AKNA: variants seen among roughly 807,000 people sequenced by gnomAD.
The protein encoded by AKNA is microtubule organization protein AKNA.
A neutral mutation model predicts 138.8 loss-of-function variants in AKNA; 67 were observed. The observed-to-expected ratio is 0.48, with a 90% confidence interval of 0.40 to 0.59. The LOEUF is 0.59. AKNA is among the 20% of genes least tolerant of loss of function. The pLI, the probability that AKNA is intolerant of heterozygous loss-of-function variation, is 0.00. For synonymous variants in AKNA, 737 were observed against 754.4 expected (o/e 0.98, Z 0.38); for missense variants, 1,813 against 1,880.4 (o/e 0.96, Z 0.66).
chr9:114,333,827 G>A (rs1379836178), downstream of AKNA, among the ~76,000 whole-genome samples: 4 of 150,908 alleles, frequency 2.7e-5, no homozygotes, highest in Non-Finnish European at 5.9e-5. Flanking sequence ...AGGAGTGGAG[G>A]TGTGATATTG....
chr9:114,362,380 T>C (rs1379647256), intron 8 of AKNA, 26 bp downstream of exon 8: 16 of 1,601,060 alleles, frequency 1.0e-5, no homozygotes, highest in Non-Finnish European at 1.2e-5. Context: ...CATCTGTCCT[T>C]CCAGGCCTTC....
chr9:114,354,938 G>T, intron 14 of AKNA, among the ~76,000 whole-genome samples: 1 of 138,930 alleles, frequency 7.2e-6, no homozygotes, highest in African/African-American at 2.7e-5. Context: ...GTGCGATCTT[G>T]GCTCACTGAA....
At chr9:114,376,357 C>A (rs779184480) in intron 3 of AKNA, 109 bp downstream of exon 3, 1 of 1,118,374 alleles carries the variant, frequency 8.9e-7, no homozygotes. Context: ...CTATCCCAGG[C>A]CTCTCCACCC....
rs1833324265 is a variant in AKNA, at chr9:114,377,422, G to T, written c.385C>A (p.Leu129Ile). The T allele has an allele frequency of 6.2e-7, 1 of 1,613,644 alleles. No individual in the cohort carries two copies. The highest frequency in any genetic ancestry group is 8.5e-7 in the Non-Finnish European group (1 of 1,180,006). ...GCCTCCTCAACCTCCAGACTTCCGA[G>T]GGTCCCATCTGGCTCCTCTTCAGTC... ...DMTEEEPDGT[L>I]GSLEVEEAGE... The change falls in exon 3 of 22, where the codon CTC becomes ATC. Residue 129 changes from leucine to isoleucine, a missense_variant. Transcript: ENST00000374088.
intron 6 of AKNA, among the ~76,000 whole-genome samples, chr9:114,366,904 C>G (rs1225617241): frequency 6.6e-6 from 1 of 152,168 alleles, no homozygotes; most frequent in Admixed American, 6.5e-5. Flanking sequence ...TAGGGTCCAA[C>G]AGAACATTTT....
intron 6 of AKNA, 108 bp from the exon 7 acceptor site, chr9:114,364,727 A>T: frequency 8.5e-7 from 1 of 1,169,670 alleles, no homozygotes; most frequent in Non-Finnish European, 1.3e-6. Flanking sequence ...CGTCCTCAGG[A>T]TGTGGGGTTT....
At chr9:114,357,097 A>G in intron 12 of AKNA, 128 bp from the exon 13 acceptor site, 1 of 716,302 alleles carries the variant, frequency 1.4e-6, no homozygotes, top group Non-Finnish European at 2.2e-6. Context: ...CCAGCTCCCA[A>G]CAGCCAGGCC....
chr9:114,339,663 C>T (rs565103524), intron 21 of AKNA, among the ~76,000 whole-genome samples: 1 of 152,190 alleles, frequency 6.6e-6, no homozygotes, highest in Non-Finnish European at 1.5e-5. Context: ...AAACCTTTCC[C>T]GATCAATGAG....
intron 1 of AKNA, among the ~76,000 whole-genome samples, chr9:114,385,987 G>A (rs1834003568): frequency 6.6e-6 from 1 of 151,308 alleles, no homozygotes; most frequent in Non-Finnish European, 1.5e-5. Context: ...TCTTGATATC[G>A]CAAGGGGATA....
chr9:114,357,815 G>A (rs1831609849), intron 12 of AKNA, 106 bp downstream of exon 12: 10 of 1,514,130 alleles, frequency 6.6e-6, no homozygotes, highest in Non-Finnish European at 8.9e-6. Flanking sequence ...GGAGCAGCAA[G>A]TATTCCAAGA....
chr9:114,355,859 C>T, intron 14 of AKNA, 66 bp downstream of exon 14: 11 of 1,519,498 alleles, frequency 7.2e-6, no homozygotes, highest in Non-Finnish European at 9.9e-6. Flanking sequence ...CTAAAGGGTT[C>T]TGCAAGTTTT....
In AKNA at chr9:114,367,533, G is replaced by C. The variant is rs757381832; in HGVS notation, c.1728+10C>G. 39 of 1,612,216 alleles carry C rather than the reference G, an allele frequency of 2.4e-5. No homozygotes were observed. The highest frequency in any genetic ancestry group is 3.3e-5 in the Admixed American group (2 of 59,970). ...AAGTCTCTCGGGGGCAAAGCTGGGA[G>C]TCCACTCACCTTGGCCAGGAACTGG... On this transcript the variant is annotated intron_variant, in intron 6 of 21. Transcript: ENST00000374088.
At position 114,374,175 on chromosome 9, in the gene AKNA, A is replaced by G. The variant is rs1833000784; in HGVS notation, c.1342-8T>C. The G allele has an allele frequency of 6.4e-7, 1 of 1,554,192 alleles. No individual in the cohort carries two copies. The highest frequency in any genetic ancestry group is 8.7e-7 in the Non-Finnish European group (1 of 1,148,340). On this transcript the variant is annotated splice_region_variant and splice_polypyrimidine_tract_variant and intron_variant, in intron 3 of 21. Coordinates refer to ENST00000374088, the MANE Select transcript of AKNA (RefSeq NM_001317950.2). Reference sequence around the variant, plus strand: ...GAGCCTGTGGTAGTCTTCCTGCAGAAAGCGGGAGCAACACGGTCACATGCG... The same window carrying G: ...GAGCCTGTGGTAGTCTTCCTGCAGAGAGCGGGAGCAACACGGTCACATGCG...
chr9:114,347,246 G>A lies in AKNA; in HGVS notation c.3399-462C>T, dbSNP rs186560154. On this transcript the variant is annotated intron_variant, in intron 16 of 21. Coordinates refer to ENST00000374088, the MANE Select transcript of AKNA (RefSeq NM_001317950.2). ...ATTATTATTATTATTTTGAGACAGA[G>A]CCTCTCTCTGTTGCCCAGGCTGGAG... 8.5e-5 allele frequency among the ~76,000 whole-genome samples: 13 copies of A among 152,192 alleles called. No individual in the cohort carries two copies. The East Asian group carries it at 2.5e-3, about 29-fold the overall frequency.
At chr9:114,387,781 G>T in intron 1 of AKNA, 79 bp downstream of exon 1, 1 of 274,276 alleles carries the variant, frequency 3.6e-6, no homozygotes. Flanking sequence ...CGGCTGCCTG[G>T]ACTGTCCCGG....
At chr9:114,362,559 C>T (rs780335897) in intron 7 of AKNA, 26 bp from the exon 8 acceptor site, 28 of 1,609,240 alleles carry the variant, frequency 1.7e-5, no homozygotes, top group Non-Finnish European at 2.2e-5. Context: ...GCCAGGAAGA[C>T]TTGAGTGCTC....
At chr9:114,387,635 C>A (rs1359756621) in intron 1 of AKNA, among the ~76,000 whole-genome samples, 1 of 152,228 alleles carries the variant, frequency 6.6e-6, no homozygotes, top group Admixed American at 6.5e-5. Flanking sequence ...AGAATCAGAG[C>A]TAGGACTGGA....
chr9:114,360,694 T>G (rs1168849145), intron 9 of AKNA, among the ~76,000 whole-genome samples: 1 of 152,144 alleles, frequency 6.6e-6, no homozygotes, highest in African/African-American at 2.4e-5. Context: ...TGCCAGGCTC[T>G]CTTTCCTGCT....
At position 114,336,239 on chromosome 9, in the gene AKNA, T is replaced by C. The variant is rs1408119075; in HGVS notation, c.*815A>G. The C allele has an allele frequency of 1.3e-5, 2 of 152,688 alleles. No individual in the cohort carries two copies. Among genetic ancestry groups the C allele is most frequent in the Non-Finnish European group, 2.9e-5 (2 of 68,050 alleles). 9.5% of individuals were successfully genotyped at this position (152,688 alleles called of 1,614,324 possible). On this transcript the variant is annotated 3_prime_UTR_variant, in exon 22 of 22. Transcript: ENST00000374088. The stretch of plus-strand genomic sequence containing the variant: ...AAATGCCTCAAATATACAAACATCA[T>C]TGATGCACACACATTCCAGAAATGC...
Sources: gnomAD v4.1 joint callset for allele counts (sites outside exome capture counted in the v4.1 genomes callset) on GRCh38, gnomAD v4.1.1 for gene constraint, MANE v1.5 for transcripts, NCBI Gene and HGNC (gene_info 2026-07-23, HGNC 2026-07-21) for gene names.